Variants in GALNT17 observed in about 807,000 individuals in gnomAD.
The protein encoded by GALNT17 is UDP-GalNAc:polypeptide N-acetylgalactosaminyltransferase-like 3.
GALNT17 carries 29 observed loss-of-function variants against 63.7 expected under a neutral mutation model. The ratio of observed to expected loss-of-function variants is 0.46; its 90% CI spans 0.34 to 0.62. GALNT17 has a LOEUF of 0.62. Among genes scored for constraint, GALNT17 ranks in the 20% least tolerant of loss-of-function variants. The pLI is 0.01. For missense variants in GALNT17, 603 were observed against 799.6 expected, an observed-to-expected ratio of 0.75 and a Z score of 2.97; for synonymous variants, 305 against 318.3, an observed-to-expected ratio of 0.96 and a Z score of 0.45.
chr7:71,250,071 C>G (rs750191966), intron 1 of GALNT17, among the ~76,000 whole-genome samples: 7 of 152,176 alleles, frequency 4.6e-5, no homozygotes, highest in Non-Finnish European at 1.0e-4. Context: ...AGCCACAAAT[C>G]ATTAATCATA....
intron 2 of GALNT17, among the ~76,000 whole-genome samples, chr7:71,353,825 A>G (rs1450723292): frequency 4.6e-5 from 7 of 152,210 alleles, no homozygotes; most frequent in Non-Finnish European, 1.0e-4. Context: ...TGGCATTGCT[A>G]TAAAGAAATA....
intron 2 of GALNT17, among the ~76,000 whole-genome samples, chr7:71,338,576 C>T (rs910803457): frequency 1.3e-5 from 2 of 151,948 alleles, no homozygotes; most frequent in African/African-American, 4.8e-5. Context: ...ATTTTGTGCT[C>T]TCAGATTTAA....
chr7:71,166,146 T>C (rs1788436986), intron 1 of GALNT17, among the ~76,000 whole-genome samples: 1 of 152,226 alleles, frequency 6.6e-6, no homozygotes, highest in Non-Finnish European at 1.5e-5. Context: ...TCTTTGCAAA[T>C]GGACGTTGGC....
chr7:71,153,995 G>A (rs1294372684), intron 1 of GALNT17, among the ~76,000 whole-genome samples: 1 of 152,132 alleles, frequency 6.6e-6, no homozygotes, highest in Non-Finnish European at 1.5e-5. Context: ...CCATCAAACG[G>A]TAGAGTTTAA....
intron 2 of GALNT17, among the ~76,000 whole-genome samples, chr7:71,366,573 C>G (rs888588729): frequency 1.3e-5 from 2 of 148,932 alleles, no homozygotes; most frequent in African/African-American, 2.5e-5. Flanking sequence ...GAGCGAGACT[C>G]TGTCTCAAAC....
intron 9 of GALNT17, chr7:71,685,496 T>C (rs1270146580): frequency 6.6e-6 from 1 of 152,232 alleles, no homozygotes; most frequent in Non-Finnish European, 1.5e-5. Flanking sequence ...CAACTATTTA[T>C]TGAGCATCTA....
At chr7:71,670,901 T>TGTGCGCGTGTGTGTGC (rs113904463) in intron 8 of GALNT17, among the ~76,000 whole-genome samples, 4 of 150,176 alleles carry the variant, frequency 2.7e-5, no homozygotes, top group Non-Finnish European at 5.9e-5. Context: ...TGTGTGTGTG[T>TGTGCGCGTGTGTGTGC]GCGTGTGTGT....
intron 9 of GALNT17, among the ~76,000 whole-genome samples, chr7:71,680,828 C>G (rs1228999474): frequency 6.8e-6 from 1 of 146,712 alleles, no homozygotes; most frequent in Admixed American, 6.9e-5. Flanking sequence ...TTCCTTCCCC[C>G]CTTCCTTTCT....
chr7:71,685,670 C>G (rs1476012521), intron 9 of GALNT17: 1 of 152,134 alleles, frequency 6.6e-6, no homozygotes, highest in African/African-American at 2.4e-5. Context: ...GGACACCCGT[C>G]TAGCCAGCCA....
chr7:71,199,672 CCCATCCATCCAT>C (rs59064900), intron 1 of GALNT17, among the ~76,000 whole-genome samples: 1,342 of 123,986 alleles, frequency 0.011, 49 homozygotes, highest in Admixed American at 0.077. Context: ...CATCCTTCCA[CCCATCCATCCAT>C]CCATCCATCC....
intron 1 of GALNT17, among the ~76,000 whole-genome samples, chr7:71,217,240 G>T (rs1323291311): frequency 6.7e-6 from 1 of 149,332 alleles, no homozygotes; most frequent in Non-Finnish European, 1.5e-5. Context: ...CTCCCAAAGT[G>T]CTGGGATTAC....
intron 2 of GALNT17, among the ~76,000 whole-genome samples, chr7:71,342,797 T>C (rs549632498): frequency 1.3e-5 from 2 of 152,284 alleles, no homozygotes; most frequent in Admixed American, 6.5e-5. Context: ...AACATAATCA[T>C]TGTTATTTAG....
chr7:71,699,246 G>A (rs1218476939), intron 9 of GALNT17, among the ~76,000 whole-genome samples: 2 of 149,794 alleles, frequency 1.3e-5, no homozygotes, highest in African/African-American at 4.9e-5. Flanking sequence ...TCTTGAGGCC[G>A]AGGCCGGTGG....
intron 1 of GALNT17, among the ~76,000 whole-genome samples, chr7:71,208,054 GC>G (rs1287953068): frequency 6.6e-6 from 1 of 151,886 alleles, no homozygotes; most frequent in East Asian, 1.9e-4. Context: ...TCCCACCTCG[GC>G]CTCCCAAGTA....
chr7:71,332,691 T>G (rs992061585), intron 1 of GALNT17, among the ~76,000 whole-genome samples: 8 of 152,096 alleles, frequency 5.3e-5, no homozygotes, highest in South Asian at 2.1e-4. Context: ...GTTTGTTTGT[T>G]TGTTTTGTTT....
At chr7:71,608,125 A>G (rs1790073290) in intron 6 of GALNT17, among the ~76,000 whole-genome samples, 1 of 152,220 alleles carries the variant, frequency 6.6e-6, no homozygotes. Flanking sequence ...TTGAGCTGAC[A>G]TAATGATCAC....
chr7:71,211,209 C>T lies in GALNT17; in HGVS notation c.238+78169C>T, dbSNP rs1393714385. ...ATTTCCACGTGTTGTGGGAGGGACC[C>T]AGGGGGAGGTAGTTGAATCATGGGG... is the stretch of plus-strand genomic sequence containing the variant. On this transcript the variant is annotated intron_variant, in intron 1 of 10. Transcript: ENST00000333538. 4.6e-5 allele frequency among the ~76,000 whole-genome samples: 7 copies of T among 152,086 alleles called. No homozygotes were observed. In the East Asian group the frequency reaches 1.3e-3, roughly 29 times the overall value.
intron 1 of GALNT17, among the ~76,000 whole-genome samples, chr7:71,221,333 A>G (rs986354040): frequency 4.3e-5 from 6 of 140,976 alleles, no homozygotes; most frequent in Non-Finnish European, 9.2e-5. Context: ...TCTGTCATTG[A>G]TGGGCATTTA....
At chr7:71,258,985 G>A (rs1242504986) in intron 1 of GALNT17, among the ~76,000 whole-genome samples, 3 of 152,158 alleles carry the variant, frequency 2.0e-5, no homozygotes, top group Non-Finnish European at 4.4e-5. Flanking sequence ...GATGCTCAGG[G>A]TATGTGTATA....
Sources: gnomAD v4.1 joint callset for allele counts (sites outside exome capture counted in the v4.1 genomes callset) on GRCh38, gnomAD v4.1.1 for gene constraint, MANE v1.5 for transcripts, NCBI Gene and HGNC (gene_info 2026-07-23, HGNC 2026-07-21) for gene names.